AKR1E2: variants seen among roughly 807,000 people sequenced by gnomAD.
AKR1E2 encodes 1,5-anhydro-D-fructose reductase.
AKR1E2 carries 43 observed loss-of-function variants against 41.9 expected under a neutral mutation model. The ratio of observed to expected loss-of-function variants is 1.03; its 90% CI spans 0.80 to 1.32. The LOEUF (loss-of-function observed/expected upper bound fraction) is 1.32, where lower values mean the gene tolerates loss of function less well. AKR1E2 is among the 40% of genes most tolerant of loss of function. The pLI is 0.00. For synonymous variants in AKR1E2, 121 were observed against 138.9 expected (o/e 0.87, Z 0.91); for missense variants, 423 against 396.5 (o/e 1.07, Z -0.57).
rs1048492953 is a variant in AKR1E2 at position 4,847,390 on chromosome 10, T to A, written c.921-98T>A. ...GAGCCACTGAATGAAGCTAATTTCA[T>A]GCACTGGGGAGTTTAAAAGTATATA... On this transcript the variant is annotated intron_variant, in intron 9 of 9. Coordinates refer to ENST00000298375, the MANE Select transcript of AKR1E2 (RefSeq NM_001040177.3). 4 of 1,528,820 alleles carry A rather than the reference T, an allele frequency of 2.6e-6. No homozygotes were observed. The African/African-American group carries it at 5.5e-5, about 21-fold the overall frequency. 94.7% of individuals were successfully genotyped at this position (1,528,820 alleles called of 1,614,324 possible). A position where few individuals can be genotyped will look rare whatever the true frequency, so the allele number is the denominator to read the frequency against.
chr10:4,854,215 T>G, the AKR1E2 span, among the ~76,000 whole-genome samples: 1 of 150,442 alleles, frequency 6.6e-6, no homozygotes. Flanking sequence ...TGCCTCAGCC[T>G]CCCGAGTATC....
intron 1 of AKR1E2, among the ~76,000 whole-genome samples, chr10:4,829,014 T>G (rs1832761551): frequency 6.6e-6 from 1 of 152,204 alleles, no homozygotes; most frequent in African/African-American, 2.4e-5. Flanking sequence ...TTACTTTCCT[T>G]TTTTTCCACT....
At chr10:4,850,568 AGGTTCC>A (rs1283132224), downstream of AKR1E2, among the ~76,000 whole-genome samples, 1 of 152,178 alleles carries the variant, frequency 6.6e-6, no homozygotes, top group Non-Finnish European at 1.5e-5. Flanking sequence ...GCAATGTGCG[AGGTTCC>A]GGTTTCTCCA....
At chr10:4,845,650 G>T (rs1834278922) in intron 8 of AKR1E2, 1 of 450,582 alleles carries the variant, frequency 2.2e-6, no homozygotes. Flanking sequence ...GTGGCAGGGG[G>T]CCACATCGCC....
At chr10:4,837,710 C>A in intron 5 of AKR1E2, 129 bp downstream of exon 5, 2 of 1,394,078 alleles carry the variant, frequency 1.4e-6, no homozygotes, top group Non-Finnish European at 1.9e-6. Flanking sequence ...TCTGGCAGCA[C>A]TCAGAATGGT....
intron 8 of AKR1E2, among the ~76,000 whole-genome samples, chr10:4,844,103 C>T (rs1448723802): frequency 2.6e-5 from 4 of 152,182 alleles, no homozygotes; most frequent in Admixed American, 6.5e-5. Flanking sequence ...CGGACCCTTG[C>T]GGTGAGTGTT....
Position 4,830,459 on chromosome 10 carries a change from GT to G in AKR1E2, c.40-207del, listed in dbSNP as rs3833732. On this transcript the variant is annotated intron_variant, in intron 1 of 9. Transcript: ENST00000298375. ...CTGCAGACACTAAAAATAACCTATA[GT>G]TTTTTTTTCCCAAAATATGTAAAGG... Among the ~76,000 whole-genome samples, 5,392 of 151,076 alleles carry G rather than the reference GT, an allele frequency of 0.036. 149 individuals carry two copies. Among genetic ancestry groups the G allele is most frequent in the East Asian group, 0.12 (594 of 5,146 alleles).
chr10:4,843,064 C>A (rs183980278), intron 8 of AKR1E2, among the ~76,000 whole-genome samples: 9 of 152,256 alleles, frequency 5.9e-5, no homozygotes, highest in African/African-American at 1.7e-4. Flanking sequence ...CTTTTCAGGG[C>A]AATCTTTTCA....
At chr10:4,846,033 A>G in intron 8 of AKR1E2, 1 of 366,246 alleles carries the variant, frequency 2.7e-6, no homozygotes, top group South Asian at 2.0e-5. Context: ...AGTGCCGCTC[A>G]GAACTGCTGC....
At chr10:4,828,526 G>GTCC (rs561505227) in intron 1 of AKR1E2, among the ~76,000 whole-genome samples, 203 of 152,258 alleles carry the variant, frequency 1.3e-3, no homozygotes, top group Middle Eastern at 0.01. Flanking sequence ...ATGTACCTGG[G>GTCC]TCCTGGCTTT....
At position 4,841,282 on chromosome 10, in the gene AKR1E2, T is replaced by G. The variant is rs557350797; in HGVS notation, c.681-503T>G. Among the ~76,000 whole-genome samples the G allele has an allele frequency of 5.2e-4, 79 of 152,362 alleles. 2 individuals are homozygous for G. The South Asian group carries it at 0.016, about 32-fold the overall frequency. On this transcript the variant is annotated intron_variant, in intron 6 of 9. Coordinates refer to ENST00000298375, the MANE Select transcript of AKR1E2 (RefSeq NM_001040177.3). ...AGAGTTCTCAGGGCCCACCCGTGCC[T>G]GAGCAGAGGATGCACAGGGACTCTA...
At chr10:4,839,967 A>T in intron 6 of AKR1E2, 141 bp downstream of exon 6, 1 of 762,634 alleles carries the variant, frequency 1.3e-6, no homozygotes, top group Admixed American at 2.1e-5. Context: ...GGGGCTGTCC[A>T]CACCTCTCAA....
chr10:4,857,182 G>C, the AKR1E2 span, among the ~76,000 whole-genome samples: 1 of 152,148 alleles, frequency 6.6e-6, no homozygotes, highest in African/African-American at 2.4e-5. Flanking sequence ...TTGCGTGGCT[G>C]TACCAAAACA....
upstream of AKR1E2, among the ~76,000 whole-genome samples, chr10:4,825,726 G>A (rs1260543124): frequency 6.6e-6 from 1 of 152,184 alleles, no homozygotes; most frequent in Non-Finnish European, 1.5e-5. Flanking sequence ...AGAGAGCGGG[G>A]ACCCACTCCC....
chr10:4,847,414 T>C, intron 9 of AKR1E2, 74 bp from the exon 10 acceptor site: 2 of 1,564,218 alleles, frequency 1.3e-6, no homozygotes, highest in Non-Finnish European at 1.8e-6. Flanking sequence ...TAAAAGTATA[T>C]ACCATTTAAA....
the AKR1E2 span, among the ~76,000 whole-genome samples, chr10:4,863,854 A>T: frequency 1.3e-5 from 2 of 152,216 alleles, no homozygotes; most frequent in Non-Finnish European, 2.9e-5. Flanking sequence ...CAAATTAGAA[A>T]ATCTAGAAGA....
chr10:4,845,025 C>A (rs536648003), intron 8 of AKR1E2, among the ~76,000 whole-genome samples: 1 of 152,300 alleles, frequency 6.6e-6, no homozygotes, highest in East Asian at 1.9e-4. Context: ...AGGGGAGGCT[C>A]AGGCATGGCG....
chr10:4,868,027 G>A, the AKR1E2 span, among the ~76,000 whole-genome samples: 33,189 of 152,030 alleles, frequency 0.22, 3,843 homozygotes, highest in Middle Eastern at 0.33. Flanking sequence ...AGACTGGATC[G>A]TTGGGGGTTT....
At chr10:4,839,040 C>G (rs975869602) in intron 5 of AKR1E2, among the ~76,000 whole-genome samples, 1 of 152,170 alleles carries the variant, frequency 6.6e-6, no homozygotes, top group Non-Finnish European at 1.5e-5. Context: ...TCATAGTTCT[C>G]TGTAATTTAC....
Sources: gnomAD v4.1 joint callset for allele counts (sites outside exome capture counted in the v4.1 genomes callset) on GRCh38, gnomAD v4.1.1 for gene constraint, MANE v1.5 for transcripts, NCBI Gene and HGNC (gene_info 2026-07-23, HGNC 2026-07-21) for gene names.